LHFPL3: variants seen among roughly 807,000 people sequenced by gnomAD.
LHFPL3 encodes the protein LHFPL tetraspan subfamily member 3 protein.
LHFPL3 carries 5 observed loss-of-function variants against 19.3 expected under a neutral mutation model. The ratio of observed to expected loss-of-function variants is 0.26; its 90% CI spans 0.14 to 0.54. LHFPL3 has a LOEUF of 0.54. LHFPL3 is among the 20% of genes least tolerant of loss of function. The pLI is 0.94. For missense variants in LHFPL3, 249 were observed against 307.4 expected (o/e 0.81, Z 1.42); for synonymous variants, 133 against 126.2 (o/e 1.05, Z -0.36).
chr7:104,660,005 T>G (rs1328558618), intron 1 of LHFPL3, among the ~76,000 whole-genome samples: 1 of 10,396 alleles, frequency 9.6e-5, no homozygotes, highest in African/African-American at 1.3e-4. Context: ...CAGCAACTCG[T>G]TTTTTTTTTT....
chr7:104,668,999 C>G lies in LHFPL3; in HGVS notation c.446-67676C>G, dbSNP rs1237412032. The G allele has an allele frequency of 5.0e-6, 8 of 1,612,016 alleles. No homozygotes were observed. The Admixed American group carries it at 1.3e-4, about 27-fold the overall frequency. On this transcript the variant is annotated intron_variant, in intron 1 of 2. Transcript: ENST00000424859. Reference sequence around the variant, plus strand: ...ACTCAGGAACGGGAACGGTCGAGGACAGGAAGTGAGTCATCACAGACTGGG... The same window carrying G: ...ACTCAGGAACGGGAACGGTCGAGGAGAGGAAGTGAGTCATCACAGACTGGG...
chr7:104,551,388 GT>G (rs1794660787), intron 1 of LHFPL3, among the ~76,000 whole-genome samples: 1 of 152,002 alleles, frequency 6.6e-6, no homozygotes, highest in African/African-American at 2.4e-5. Context: ...GTATGGCTTG[GT>G]TTGCAGGCAG....
At chr7:104,839,473 C>T (rs1347150969) in intron 2 of LHFPL3, among the ~76,000 whole-genome samples, 1 of 152,046 alleles carries the variant, frequency 6.6e-6, no homozygotes, top group Non-Finnish European at 1.5e-5. Flanking sequence ...TCGAGACCAG[C>T]CTGGCCAATA....
intron 1 of LHFPL3, among the ~76,000 whole-genome samples, chr7:104,409,914 C>T (rs564851340): frequency 6.6e-5 from 10 of 151,988 alleles, no homozygotes; most frequent in South Asian, 6.2e-4. Context: ...CTTGGATTTA[C>T]GCTTTTCAGA....
intron 1 of LHFPL3, among the ~76,000 whole-genome samples, chr7:104,469,700 C>T (rs183083461): frequency 6.0e-4 from 91 of 152,220 alleles, no homozygotes; most frequent in African/African-American, 2.1e-3. Context: ...TGGTAGAATT[C>T]TGTTTCCGAA....
chr7:104,882,897 G>T (rs944020401), intron 2 of LHFPL3, among the ~76,000 whole-genome samples: 2 of 152,166 alleles, frequency 1.3e-5, no homozygotes, highest in African/African-American at 4.8e-5. Flanking sequence ...TTGTAGTTAA[G>T]GCGACTGGCT....
intron 1 of LHFPL3, among the ~76,000 whole-genome samples, chr7:104,435,454 CTT>C (rs1411377384): frequency 1.3e-5 from 2 of 150,602 alleles, no homozygotes; most frequent in African/African-American, 4.9e-5. Flanking sequence ...TTAAAAAAGA[CTT>C]ATTTTTTTAT....
chr7:104,732,077 C>T (rs1327280983), intron 1 of LHFPL3, among the ~76,000 whole-genome samples: 1 of 152,178 alleles, frequency 6.6e-6, no homozygotes, highest in East Asian at 1.9e-4. Context: ...ATGAAGTCCA[C>T]TTGATCATGG....
chr7:104,765,752 G>T (rs1794446708), intron 2 of LHFPL3, among the ~76,000 whole-genome samples: 1 of 152,184 alleles, frequency 6.6e-6, no homozygotes, highest in Non-Finnish European at 1.5e-5. Context: ...CATGATAGAG[G>T]CTAAATTATT....
At chr7:104,630,814 C>A (rs1452215705) in intron 1 of LHFPL3, among the ~76,000 whole-genome samples, 1 of 151,952 alleles carries the variant, frequency 6.6e-6, no homozygotes, top group Non-Finnish European at 1.5e-5. Context: ...AAAAAGAGTT[C>A]TAAAGAATAT....
intron 1 of LHFPL3, among the ~76,000 whole-genome samples, chr7:104,583,091 T>C (rs1182510157): frequency 1.3e-5 from 2 of 152,056 alleles, no homozygotes; most frequent in Non-Finnish European, 2.9e-5. Context: ...GTAACCAGCA[T>C]GGTGCTAGTA....
chr7:104,668,589 T>A (rs1043973465), intron 1 of LHFPL3: 85 of 1,612,614 alleles, frequency 5.3e-5, no homozygotes, highest in Non-Finnish European at 6.7e-5. Context: ...TGGCAGTGGG[T>A]ATCGCAGGGA....
At chr7:104,415,172 C>G (rs1400272184) in intron 1 of LHFPL3, among the ~76,000 whole-genome samples, 1 of 152,236 alleles carries the variant, frequency 6.6e-6, no homozygotes, top group African/African-American at 2.4e-5. Context: ...TCAAGGACAC[C>G]TACCTACTCA....
At chr7:104,670,537 C>T (rs1394963940) in intron 1 of LHFPL3, among the ~76,000 whole-genome samples, 1 of 152,208 alleles carries the variant, frequency 6.6e-6, no homozygotes, top group African/African-American at 2.4e-5. Flanking sequence ...ATCTAAGTCA[C>T]ATACATGATG....
chr7:104,887,461 A>C (rs1394669766), intron 2 of LHFPL3, among the ~76,000 whole-genome samples: 1 of 152,208 alleles, frequency 6.6e-6, no homozygotes, highest in Non-Finnish European at 1.5e-5. Flanking sequence ...GGGATTTCTG[A>C]GATTCCAGGG....
chr7:104,888,061 G>C (rs763390091), intron 2 of LHFPL3, among the ~76,000 whole-genome samples: 9 of 152,188 alleles, frequency 5.9e-5, no homozygotes, highest in Non-Finnish European at 1.0e-4. Context: ...ATCCTTCACA[G>C]AGCCACTGTG....
chr7:104,504,357 T>A (rs1473199813), intron 1 of LHFPL3, among the ~76,000 whole-genome samples: 3 of 152,242 alleles, frequency 2.0e-5, no homozygotes, highest in African/African-American at 7.2e-5. Context: ...ATTTTCTATT[T>A]TATGGATACA....
At chr7:104,718,134 G>A (rs894498928) in intron 1 of LHFPL3, among the ~76,000 whole-genome samples, 4 of 152,144 alleles carry the variant, frequency 2.6e-5, no homozygotes, top group Non-Finnish European at 5.9e-5. Context: ...TGGCTGCTAG[G>A]GGCTGGAGGT....
chr7:104,791,817 T>C (rs1790029813), intron 2 of LHFPL3, among the ~76,000 whole-genome samples: 1 of 152,142 alleles, frequency 6.6e-6, no homozygotes, highest in Non-Finnish European at 1.5e-5. Flanking sequence ...CCAAGATGAC[T>C]ATGTCTTGGT....
Sources: gnomAD v4.1 joint callset for allele counts (sites outside exome capture counted in the v4.1 genomes callset) on GRCh38, gnomAD v4.1.1 for gene constraint, MANE v1.5 for transcripts, NCBI Gene and HGNC (gene_info 2026-07-23, HGNC 2026-07-21) for gene names.